Variants in DDB1 observed in about 807,000 individuals in gnomAD.
DDB1 encodes the protein damage specific DNA binding protein 1.
DDB1 carries 18 observed loss-of-function variants against 133.1 expected under a neutral mutation model. The observed-to-expected ratio is 0.14, with a 90% confidence interval of 0.09 to 0.20. The LOEUF (loss-of-function observed/expected upper bound fraction) is 0.20, where lower values mean the gene tolerates loss of function less well. Ranked by LOEUF, DDB1 falls within the 10% of genes least tolerant of loss-of-function variation. DDB1 has a pLI of 1.00. For missense variants in DDB1, 828 were observed against 1,459.2 expected (o/e 0.57, Z 7.05); for synonymous variants, 580 against 550.5 (o/e 1.05, Z -0.75).
intron 16 of DDB1, 114 bp from the exon 17 acceptor site, chr11:61,312,198 T>A: frequency 1.2e-6 from 1 of 837,250 alleles, no homozygotes. Flanking sequence ...TTTGACTCCA[T>A]GCTAAACATC....
At position 61,330,015 on chromosome 11, in the gene DDB1, C is replaced by T. The variant is rs758507439; in HGVS notation, c.270G>A (p.Glu90=). 3 of 1,614,098 alleles carry T rather than the reference C, an allele frequency of 1.9e-6. No homozygotes were observed. The South Asian group carries it at 3.3e-5, about 18-fold the overall frequency. ...CAATGCTCTCGCCACTCTGTTTATA[C>T]TCCAGGATGCAGGCATTGTACTTCG... ...LTAKYNACIL[E]YKQSGESIDI... is the part of the protein sequence containing the mutation. Residue 90 remains glutamate (E), a synonymous_variant, in exon 3 of 27, where the codon GAG becomes GAA. Coordinates refer to ENST00000301764, the MANE Select transcript of DDB1 (RefSeq NM_001923.5).
intron 12 of DDB1, chr11:61,314,840 T>C (rs1856038893): frequency 6.3e-6 from 1 of 157,738 alleles, no homozygotes; most frequent in South Asian, 2.1e-4. Context: ...TTTTTTTTTT[T>C]TTTTTTTGGG....
intron 10 of DDB1, among the ~76,000 whole-genome samples, chr11:61,318,197 T>C (rs1856122144): frequency 6.6e-6 from 1 of 152,258 alleles, no homozygotes; most frequent in African/African-American, 2.4e-5. Flanking sequence ...CATTTATCTA[T>C]AATTATTAAA....
intron 8 of DDB1, 53 bp downstream of exon 8, chr11:61,322,958 T>G (rs1856207526): frequency 5.5e-6 from 8 of 1,449,524 alleles, no homozygotes; most frequent in Non-Finnish European, 7.6e-6. Context: ...AGAAATTTGA[T>G]GAAGAAACAG....
intron 5 of DDB1, among the ~76,000 whole-genome samples, chr11:61,326,571 T>C (rs1856274043): frequency 6.6e-6 from 1 of 152,076 alleles, no homozygotes; most frequent in Admixed American, 6.5e-5. Context: ...GTTATACTTT[T>C]GGGGGGAGAA....
At chr11:61,323,467 G>A in intron 7 of DDB1, 2 of 275,056 alleles carry the variant, frequency 7.3e-6, no homozygotes, top group South Asian at 8.2e-5. Flanking sequence ...GAGTGCAGTG[G>A]TACCACCATG....
chr11:61,307,699 A>G (rs1379391514), intron 21 of DDB1, among the ~76,000 whole-genome samples: 3 of 152,126 alleles, frequency 2.0e-5, no homozygotes, highest in African/African-American at 7.2e-5. Flanking sequence ...TCTCATTGTT[A>G]TCTAGTGAAC....
chr11:61,314,598 G>T, intron 12 of DDB1, 112 bp from the exon 13 acceptor site: 1 of 1,093,306 alleles, frequency 9.1e-7, no homozygotes, highest in Non-Finnish European at 1.3e-6. Context: ...GCTACATGAG[G>T]CTTCTATTTC....
intron 21 of DDB1, among the ~76,000 whole-genome samples, chr11:61,307,588 C>T (rs1168469484): frequency 1.3e-5 from 2 of 152,228 alleles, no homozygotes; most frequent in African/African-American, 4.8e-5. Flanking sequence ...TCTCTATGGG[C>T]TCTCAGCACA....
intron 2 of DDB1, among the ~76,000 whole-genome samples, chr11:61,331,260 G>A (rs1471840003): frequency 6.6e-6 from 1 of 151,990 alleles, no homozygotes; most frequent in Non-Finnish European, 1.5e-5. Flanking sequence ...TCCAAAGAGA[G>A]AAAAAAGAGA....
chr11:61,321,561 A>G lies in DDB1; in HGVS notation c.1225+34T>C, dbSNP rs1451404761. 3.7e-6 allele frequency: 6 copies of G among 1,601,146 alleles called. No individual in the cohort carries two copies. In the African/African-American group the frequency reaches 6.7e-5, roughly 18 times the overall value. ...GTAACAAGGCCAAAGTCCCTCATGTAAGATCTACATCCTATGCCCACCAAA... is the reference window on the plus strand; with the variant it reads ...GTAACAAGGCCAAAGTCCCTCATGTGAGATCTACATCCTATGCCCACCAAA... On this transcript the variant is annotated intron_variant, in intron 10 of 26. Transcript: ENST00000301764.
At chr11:61,304,651 G>T (rs1442971541) in intron 21 of DDB1, among the ~76,000 whole-genome samples, 1 of 152,040 alleles carries the variant, frequency 6.6e-6, no homozygotes, top group Non-Finnish European at 1.5e-5. Flanking sequence ...GAGACGGGCA[G>T]ATCATGAGGT....
chr11:61,300,115 A>G lies in DDB1; in HGVS notation c.*21T>C. ...GGCAAAGCCTTTGGGGAGGGTCAGC[A>G]AAGGGGCCCCCTGCCCTTGGCTAAT... On this transcript the variant is annotated 3_prime_UTR_variant, in exon 27 of 27. Transcript: ENST00000301764. The G allele has an allele frequency of 6.2e-7, 1 of 1,613,470 alleles. No homozygotes were observed. Among genetic ancestry groups the G allele is most frequent in the Non-Finnish European group, 8.5e-7 (1 of 1,179,694 alleles).
rs142156411 is a variant in DDB1, at chr11:61,302,157, A to G, written c.3215+100T>C. The G allele has an allele frequency of 1.8e-3, 1,926 of 1,041,436 alleles. 4 individuals are homozygous for G. The highest frequency in any genetic ancestry group is 2.4e-3 in the Non-Finnish European group (1,600 of 672,098). The allele number at this position is 1,041,436 out of a possible 1,614,324, so 64.5% of individuals were successfully genotyped here. On this transcript the variant is annotated intron_variant, in intron 25 of 26. Transcript: ENST00000301764. ...AACAAAAAACCTGTTCTGTACAGGAACCTAATCAAGACATGTAGTAGCTTC... is the reference window on the plus strand; with the variant it reads ...AACAAAAAACCTGTTCTGTACAGGAGCCTAATCAAGACATGTAGTAGCTTC...
intron 10 of DDB1, among the ~76,000 whole-genome samples, chr11:61,318,588 T>C (rs966881409): frequency 3.9e-5 from 6 of 152,202 alleles, no homozygotes; most frequent in Non-Finnish European, 8.8e-5. Flanking sequence ...ATAAATATGT[T>C]ATAAATTAGG....
intron 25 of DDB1, chr11:61,301,759 G>C (rs1238352500): frequency 1.3e-5 from 2 of 152,954 alleles, no homozygotes; most frequent in African/African-American, 4.8e-5. Flanking sequence ...CTCCAGGGGG[G>C]CGGGGAGGGC....
rs370677190 is a variant in DDB1 at position 61,330,040 on chromosome 11, G to A, written c.245C>T (p.Ala82Val). 9.3e-6 allele frequency: 15 copies of A among 1,613,472 alleles called. No individual in the cohort carries two copies. Among genetic ancestry groups the A allele is most frequent in the South Asian group, 5.5e-5 (5 of 91,044 alleles). ...CTCCAGGATGCAGGCATTGTACTTCGCTGTCAAGATAAACAGCAGGTCCTT... is the reference window on the plus strand; with the variant it reads ...CTCCAGGATGCAGGCATTGTACTTCACTGTCAAGATAAACAGCAGGTCCTT... ...ESKDLLFILT[A>V]KYNACILEYK... Residue 82 changes from alanine to valine, a missense_variant, in exon 3 of 27, where the codon GCG becomes GTG. Around this residue, in one of 7 missense-constraint regions of DDB1, gnomAD observed 210 missense variants for 344.8 expected, o/e 0.61. Transcript: ENST00000301764.
At chr11:61,320,522 C>A (rs1028506978) in intron 10 of DDB1, among the ~76,000 whole-genome samples, 4 of 151,886 alleles carry the variant, frequency 2.6e-5, no homozygotes, top group African/African-American at 9.7e-5. Context: ...TCTTTATTGA[C>A]CTTTTCCCAT....
At chr11:61,310,518 G>A (rs1855947112) in intron 18 of DDB1, 100 bp from the exon 19 acceptor site, 4 of 1,378,474 alleles carry the variant, frequency 2.9e-6, no homozygotes, top group Non-Finnish European at 3.8e-6. Context: ...AAAGGCTGCA[G>A]CTAGCCAAGA....
Sources: gnomAD v4.1 joint callset for allele counts (sites outside exome capture counted in the v4.1 genomes callset) on GRCh38, gnomAD v4.1.1 for gene constraint, gnomAD v4.1.1 regional missense constraint, MANE v1.5 for transcripts, NCBI Gene and HGNC (gene_info 2026-07-23, HGNC 2026-07-21) for gene names.